Variants in SCAF8 observed in about 807,000 individuals in gnomAD.
SCAF8 encodes the protein SR-related CTD associated factor 8, also known as SR-related and CTD-associated factor 8.
In SCAF8, 23 loss-of-function variants were observed where a neutral mutation model predicts 140.5. The ratio of observed to expected loss-of-function variants is 0.16; its 90% confidence interval spans 0.12 to 0.23. SCAF8 has a LOEUF of 0.23. SCAF8 is among the 10% of genes least tolerant of loss of function. SCAF8 has a pLI of 1.00. For missense variants in SCAF8, 1,397 were observed against 1,555.7 expected, an observed-to-expected ratio of 0.90 and a Z score of 1.72; for synonymous variants, 575 against 528.9, an observed-to-expected ratio of 1.09 and a Z score of -1.20.
intron 1 of SCAF8, among the ~76,000 whole-genome samples, chr6:154,738,553 A>G (rs1275098888): frequency 6.6e-6 from 1 of 152,224 alleles, no homozygotes; most frequent in East Asian, 1.9e-4. Flanking sequence ...TAATCCCATG[A>G]CCACTACTTT....
chr6:154,784,155 A>ATATATATATATATATATATATATT (rs1408182952), intron 3 of SCAF8, among the ~76,000 whole-genome samples: 21 of 91,962 alleles, frequency 2.3e-4, no homozygotes, highest in South Asian at 3.8e-4. Context: ...ATATATATAT[A>ATATATATATATATATATATATATT]TATTTATTTA....
chr6:154,808,917 G>T, intron 11 of SCAF8, 119 bp downstream of exon 11: 1 of 667,232 alleles, frequency 1.5e-6, no homozygotes, highest in East Asian at 2.7e-5. Context: ...TCAGTCTCTC[G>T]GAAAAAAAGT....
chr6:154,831,102 T>C lies in SCAF8; in HGVS notation c.2321T>C (p.Ile774Thr), dbSNP rs200440811. The C allele has an allele frequency of 1.7e-5, 27 of 1,613,060 alleles. 1 individual carries two copies. Among genetic ancestry groups the C allele is most frequent in the Middle Eastern group, 1.7e-4 (1 of 6,054 alleles). Residue 774 changes from isoleucine to threonine, a missense_variant, in exon 19 of 20, where the codon ATA becomes ACA. Physicochemically the swap from Ile to Thr is moderately conservative, Grantham distance 89. Around this residue, in one of 5 missense-constraint regions of SCAF8, gnomAD observed 930 missense variants for 874.6 expected, o/e 1.06. Transcript: ENST00000367178. The stretch of plus-strand genomic sequence containing the variant: ...CCTGAAGAAAAAGTACCTCATCTTA[T>C]AGACCACCAGATTTCTTCTGGTGAA... ...AEPEEKVPHLIDHQISSGENT... is the reference protein window; with the variant it reads ...AEPEEKVPHLTDHQISSGENT...
intron 3 of SCAF8, among the ~76,000 whole-genome samples, chr6:154,784,159 T>TATATATATATATATA (rs1777182455): frequency 2.1e-5 from 2 of 95,532 alleles, no homozygotes; most frequent in South Asian, 3.5e-4. Flanking sequence ...ATATATATAT[T>TATATATATATATATA]TATTTATTTA....
intron 1 of SCAF8, among the ~76,000 whole-genome samples, chr6:154,743,373 A>G (rs938656593): frequency 1.3e-5 from 2 of 152,196 alleles, no homozygotes; most frequent in Non-Finnish European, 2.9e-5. Context: ...AGCTTTAAGA[A>G]TGTTTTCTTT....
chr6:154,766,592 C>T (rs1372178615), intron 1 of SCAF8, among the ~76,000 whole-genome samples: 9 of 151,152 alleles, frequency 6.0e-5, no homozygotes, highest in African/African-American at 1.2e-4. Context: ...ATTCCTCTGA[C>T]GTGTCCATTA....
chr6:154,791,384 A>C (rs1777413669), intron 4 of SCAF8, among the ~76,000 whole-genome samples: 1 of 152,216 alleles, frequency 6.6e-6, no homozygotes, highest in Non-Finnish European at 1.5e-5. Context: ...TTTCCCAACT[A>C]AATAGATTTT....
intron 13 of SCAF8, among the ~76,000 whole-genome samples, chr6:154,817,965 T>C (rs1441721878): frequency 6.6e-6 from 1 of 152,174 alleles, no homozygotes; most frequent in Non-Finnish European, 1.5e-5. Flanking sequence ...ACTGAAAATT[T>C]TTATCATCAA....
At chr6:154,753,611 A>G (rs1324420271) in intron 1 of SCAF8, among the ~76,000 whole-genome samples, 1 of 152,218 alleles carries the variant, frequency 6.6e-6, no homozygotes, top group Non-Finnish European at 1.5e-5. Context: ...TGCCTCAAAA[A>G]TAAATAAATA....
intron 3 of SCAF8, among the ~76,000 whole-genome samples, chr6:154,781,056 A>G (rs941018111): frequency 1.3e-5 from 2 of 152,104 alleles, no homozygotes; most frequent in Non-Finnish European, 2.9e-5. Context: ...CTTTTAAGTA[A>G]TCACCATTCT....
At position 154,787,849 on chromosome 6, in the gene SCAF8, T is replaced by C. The variant is rs768531851; in HGVS notation, c.160-12T>C. 8 of 1,580,386 alleles carry C rather than the reference T, an allele frequency of 5.1e-6. No homozygotes were observed. The South Asian group carries it at 9.4e-5, about 18-fold the overall frequency. ...CGTTTCCTTTCCTTTTCATTCTTCTTTTTTTCATCAGTGTAAACCAGAATA... is the reference window on the plus strand; with the variant it reads ...CGTTTCCTTTCCTTTTCATTCTTCTCTTTTTCATCAGTGTAAACCAGAATA... On this transcript the variant is annotated splice_polypyrimidine_tract_variant and intron_variant, in intron 3 of 19. Coordinates refer to ENST00000367178, the MANE Select transcript of SCAF8 (RefSeq NM_014892.5).
chr6:154,784,159 T>TATATATATATATATATA (rs1777182455), intron 3 of SCAF8, among the ~76,000 whole-genome samples: 1 of 95,534 alleles, frequency 1.0e-5, no homozygotes, highest in African/African-American at 3.9e-5. Flanking sequence ...ATATATATAT[T>TATATATATATATATATA]TATTTATTTA....
intron 4 of SCAF8, among the ~76,000 whole-genome samples, chr6:154,789,524 C>G (rs1777350659): frequency 6.6e-6 from 1 of 151,050 alleles, no homozygotes; most frequent in Non-Finnish European, 1.5e-5. Context: ...TAATTCTGTG[C>G]AGGCAAAAGA....
intron 1 of SCAF8, among the ~76,000 whole-genome samples, chr6:154,750,193 A>G (rs981051912): frequency 6.6e-6 from 1 of 152,072 alleles, no homozygotes; most frequent in Non-Finnish European, 1.5e-5. Context: ...GCTTAAAATC[A>G]CCTTTATCTC....
At chr6:154,830,371 A>G (rs1262459847) in intron 18 of SCAF8, among the ~76,000 whole-genome samples, 1 of 152,150 alleles carries the variant, frequency 6.6e-6, no homozygotes, top group Non-Finnish European at 1.5e-5. Flanking sequence ...GTGTTTTTTA[A>G]TATGTGTGAC....
intron 2 of SCAF8, among the ~76,000 whole-genome samples, chr6:154,777,359 C>T (rs1282581949): frequency 6.6e-6 from 1 of 152,068 alleles, no homozygotes; most frequent in Non-Finnish European, 1.5e-5. Flanking sequence ...TTTTATGAAA[C>T]TTAAATCTTC....
rs575201999 is a variant in SCAF8 at position 154,770,610 on chromosome 6, G to C, written c.31-3379G>C. On this transcript the variant is annotated intron_variant, in intron 1 of 19. Coordinates refer to ENST00000367178, the MANE Select transcript of SCAF8 (RefSeq NM_014892.5). ...AAAAAAAAATTCTTAGAAAGTATGT[G>C]ATGGGATCCTAATTCTTGTCGACCA... Among the ~76,000 whole-genome samples the C allele has an allele frequency of 2.3e-3, 352 of 152,204 alleles. 1 individual carries two copies. The highest frequency in any genetic ancestry group is 8.3e-3 in the African/African-American group (343 of 41,514).
intron 1 of SCAF8, among the ~76,000 whole-genome samples, chr6:154,758,793 A>G (rs1462097275): frequency 1.3e-5 from 2 of 152,196 alleles, no homozygotes; most frequent in African/African-American, 4.8e-5. Flanking sequence ...GTGTGGTAAC[A>G]GGGTCTGCCT....
chr6:154,794,769 G>C (rs9371827), intron 5 of SCAF8, among the ~76,000 whole-genome samples: 21,639 of 83,510 alleles, frequency 0.26, 5,477 homozygotes, highest in East Asian at 0.75. Context: ...TGGGGGGGGG[G>C]GGGTGTGGGG....
Sources: allele counts gnomAD v4.1 joint callset (sites outside exome capture counted in the v4.1 genomes callset), GRCh38; gene constraint gnomAD v4.1.1; regional missense constraint gnomAD v4.1.1; transcripts MANE v1.5; gene names NCBI Gene and HGNC (gene_info 2026-07-23, HGNC 2026-07-21).